CASD1: variants seen among roughly 807,000 people sequenced by gnomAD.
CASD1 encodes the protein N-acetylneuraminate (7)9-O-acetyltransferase.
A neutral mutation model predicts 100.0 loss-of-function variants in CASD1; 41 were observed. That is an observed-to-expected ratio of 0.41 (90% CI 0.32 to 0.53). The LOEUF (loss-of-function observed/expected upper bound fraction) is 0.53. CASD1 is among the 20% of genes least tolerant of loss of function. The pLI, the probability that CASD1 is intolerant of heterozygous loss-of-function variation, is 0.25. For synonymous variants in CASD1, 321 were observed against 315.6 expected, an observed-to-expected ratio of 1.02 and a Z score of -0.18; for missense variants, 774 against 948.7, an observed-to-expected ratio of 0.82 and a Z score of 2.42.
chr7:94,619,440 A>T, the CASD1 span: 4 of 152,718 alleles, frequency 2.6e-5, no homozygotes, highest in Non-Finnish European at 5.8e-5. Flanking sequence ...ACATTGTTGG[A>T]GATTTAGTGT....
the CASD1 span, chr7:94,599,962 T>G: frequency 1.6e-5 from 6 of 378,000 alleles, no homozygotes; most frequent in East Asian, 2.5e-4. Context: ...AATCAAGGCC[T>G]TGATTGAAAT....
intron 14 of CASD1, among the ~76,000 whole-genome samples, chr7:94,550,691 T>A (rs1310485848): frequency 6.6e-6 from 1 of 151,950 alleles, no homozygotes; most frequent in African/African-American, 2.4e-5. Flanking sequence ...TCTTTTTTTT[T>A]AAAGGGCATG....
At chr7:94,533,062 G>T (rs1794928804) in intron 5 of CASD1, 143 bp from the exon 6 acceptor site, 1 of 489,226 alleles carries the variant, frequency 2.0e-6, no homozygotes, top group Non-Finnish European at 3.5e-6. Flanking sequence ...ACAATAATAA[G>T]CAATAATAAT....
intron 15 of CASD1, 49 bp downstream of exon 15, chr7:94,551,527 A>AT: frequency 1.3e-6 from 1 of 791,032 alleles, no homozygotes. Flanking sequence ...GAATATTAAC[A>AT]TTAAGATATG....
At chr7:94,619,582 C>T in the CASD1 span, 2 of 152,234 alleles carry the variant, frequency 1.3e-5, no homozygotes, top group African/African-American at 4.8e-5. Flanking sequence ...TACTCAAATG[C>T]TACTCTTCAA....
the CASD1 span, among the ~76,000 whole-genome samples, chr7:94,607,472 T>G: frequency 2.0e-5 from 3 of 152,300 alleles, no homozygotes; most frequent in South Asian, 4.1e-4. Context: ...AACTGGGACT[T>G]TCCCCAGTTA....
At chr7:94,563,154 G>T in the CASD1 span, among the ~76,000 whole-genome samples, 1 of 152,098 alleles carries the variant, frequency 6.6e-6, no homozygotes, top group Non-Finnish European at 1.5e-5. Context: ...TGACTAAATT[G>T]CTGGAGAAAT....
chr7:94,613,617 C>T, the CASD1 span, among the ~76,000 whole-genome samples: 1 of 152,096 alleles, frequency 6.6e-6, no homozygotes, highest in African/African-American at 2.4e-5. Flanking sequence ...TTTATTGAGG[C>T]CTTTACATTT....
chr7:94,629,927 G>A, the CASD1 span: 2 of 1,494,928 alleles, frequency 1.3e-6, no homozygotes, highest in Non-Finnish European at 1.9e-6. Flanking sequence ...TTTATAAAGA[G>A]GGGTCTCACT....
intron 1 of CASD1, among the ~76,000 whole-genome samples, chr7:94,513,143 C>T (rs888795989): frequency 2.0e-5 from 3 of 152,122 alleles, no homozygotes; most frequent in Admixed American, 6.5e-5. Flanking sequence ...TCAAGACCAG[C>T]GTGGCCAACA....
chr7:94,625,367 T>A, the CASD1 span: 1 of 152,046 alleles, frequency 6.6e-6, no homozygotes. Flanking sequence ...TTTCTTTTTT[T>A]TATCTTTTTA....
intron 17 of CASD1, among the ~76,000 whole-genome samples, chr7:94,555,245 CTT>C (rs1433514493): frequency 6.6e-6 from 1 of 151,960 alleles, no homozygotes; most frequent in East Asian, 1.9e-4. Context: ...ATAAATTCCT[CTT>C]TGAGTTCTTG....
the CASD1 span, among the ~76,000 whole-genome samples, chr7:94,634,077 T>C: frequency 8.6e-3 from 1,304 of 152,290 alleles, 26 homozygotes; most frequent in African/African-American, 0.03. Context: ...TAAAGTATTG[T>C]CAATATTTAT....
the CASD1 span, among the ~76,000 whole-genome samples, chr7:94,611,723 G>A: frequency 6.6e-6 from 1 of 152,122 alleles, no homozygotes; most frequent in South Asian, 2.1e-4. Flanking sequence ...AAAGTTCAAA[G>A]CTATGTAAAT....
In CASD1 at chr7:94,518,290, A is replaced by G; in HGVS notation, c.318A>G (p.Ile106Met). Residue 106 changes from isoleucine to methionine, a missense_variant, in exon 3 of 18, where the codon ATA (isoleucine) becomes ATG (methionine). By Grantham distance (10) the Ile-to-Met change is conservative (BLOSUM62 1). Coordinates refer to ENST00000297273, the MANE Select transcript of CASD1 (RefSeq NM_022900.5). ...IRQLFYSFVK[I>M]INPQFKEEGN... ...AATTGTTTTATTCTTTTGTAAAAAT[A>G]ATTAATCCCCAATTCAAAGAAGAAG... 1 of 1,578,628 alleles carries G rather than the reference A, an allele frequency of 6.3e-7. No individual in the cohort carries two copies. The highest frequency in any genetic ancestry group is 8.6e-7 in the Non-Finnish European group (1 of 1,162,914).
the CASD1 span, among the ~76,000 whole-genome samples, chr7:94,562,158 T>C: frequency 6.6e-6 from 1 of 152,190 alleles, no homozygotes; most frequent in Non-Finnish European, 1.5e-5. Flanking sequence ...ACATTGTGAG[T>C]TGGCTTTTTA....
the CASD1 span, among the ~76,000 whole-genome samples, chr7:94,582,279 G>A: frequency 6.6e-5 from 10 of 151,986 alleles, no homozygotes; most frequent in Admixed American, 5.2e-4. Context: ...CACCATGGCC[G>A]GCTAATTTTT....
chr7:94,625,503 T>A, the CASD1 span: 2 of 152,028 alleles, frequency 1.3e-5, no homozygotes, highest in Non-Finnish European at 2.9e-5. Flanking sequence ...AGCCCTTACC[T>A]CTCCCCAACC....
the CASD1 span, among the ~76,000 whole-genome samples, chr7:94,605,169 A>G: frequency 2.0e-5 from 3 of 152,116 alleles, no homozygotes; most frequent in Non-Finnish European, 4.4e-5. Flanking sequence ...TCACACCGGA[A>G]TCAGATATGG....
Sources: allele counts gnomAD v4.1 joint callset (sites outside exome capture counted in the v4.1 genomes callset), GRCh38; gene constraint gnomAD v4.1.1; transcripts MANE v1.5; gene names NCBI Gene and HGNC (gene_info 2026-07-23, HGNC 2026-07-21).